Variants in LMO7 observed in about 807,000 individuals in gnomAD.
LMO7 encodes the protein LIM domain 7.
A neutral mutation model predicts 206.5 loss-of-function variants in LMO7; 120 were observed. The observed-to-expected ratio is 0.58, with a 90% CI of 0.50 to 0.68. The LOEUF (loss-of-function observed/expected upper bound fraction) is 0.68, where lower values mean the gene tolerates loss of function less well. Ranked by LOEUF, LMO7 falls within the 30% of genes least tolerant of loss-of-function variation. The pLI, the probability that LMO7 is intolerant of heterozygous loss-of-function variation, is 0.00. For missense variants in LMO7, 1,959 were observed against 1,957.9 expected, an observed-to-expected ratio of 1.00 and a Z score of -0.01; for synonymous variants, 706 against 681.5, an observed-to-expected ratio of 1.04 and a Z score of -0.56.
At chr13:75,737,864 A>AAAAAAAAAAAAAAAAAAAAAAAAT (rs61679054) in intron 3 of LMO7, among the ~76,000 whole-genome samples, 1 of 145,138 alleles carries the variant, frequency 6.9e-6, no homozygotes, top group Non-Finnish European at 1.5e-5. Context: ...AAAAAAAAAA[A>AAAAAAAAAAAAAAAAAAAAAAAAT]CACAGTACAA....
chr13:75,636,392 T>G lies in LMO7; in HGVS notation c.-266T>G. 7.7e-7 allele frequency: 1 copy of G among 1,305,552 alleles called. No homozygotes were observed. Among genetic ancestry groups the G allele is most frequent in the Non-Finnish European group, 9.7e-7 (1 of 1,026,194 alleles). The allele number at this position is 1,305,552 out of a possible 1,614,324, so 80.9% of individuals were successfully genotyped here. ...GGCACCCGCTTCGCTTCCCGCGTCC[T>G]GCCTGACTGCCCGGGTCCCCGCGGG... is the stretch of plus-strand genomic sequence containing the variant. On this transcript the variant is annotated 5_prime_UTR_variant, in exon 1 of 31. Coordinates refer to ENST00000377534, the MANE Select transcript of LMO7 (RefSeq NM_001306080.2).
At chr13:75,773,988 C>T (rs1016928269) in intron 4 of LMO7, among the ~76,000 whole-genome samples, 1 of 152,026 alleles carries the variant, frequency 6.6e-6, no homozygotes. Context: ...ATGATCACTG[C>T]TGACTCCAAA....
chr13:75,669,495 G>A (rs562868795), intron 1 of LMO7, among the ~76,000 whole-genome samples: 3 of 152,268 alleles, frequency 2.0e-5, no homozygotes, highest in Non-Finnish European at 2.9e-5. Context: ...TCGGAGATGC[G>A]AAGGTATGAG....
intron 4 of LMO7, among the ~76,000 whole-genome samples, chr13:75,766,670 TCATCTAATTGGAGATGA>T (rs1471318741): frequency 2.0e-5 from 3 of 152,124 alleles, no homozygotes; most frequent in Non-Finnish European, 2.9e-5. Flanking sequence ...ATCAGGAAAC[TCATCTAATTGGAGATGA>T]CATAGGTTTC....
chr13:75,856,394 G>T, intron 29 of LMO7, 112 bp from the exon 30 acceptor site: 4 of 637,174 alleles, frequency 6.3e-6, no homozygotes, highest in East Asian at 2.6e-5. Flanking sequence ...TTGCTGAAAT[G>T]TATCTAAGAG....
intron 16 of LMO7, 119 bp from the exon 17 acceptor site, chr13:75,834,107 T>A: frequency 1.4e-6 from 1 of 709,798 alleles, no homozygotes. Flanking sequence ...GACCTCCACC[T>A]GAAAAAGAGA....
intron 4 of LMO7, among the ~76,000 whole-genome samples, chr13:75,773,523 A>C (rs543557023): frequency 1.3e-5 from 2 of 152,308 alleles, no homozygotes; most frequent in East Asian, 3.9e-4. Flanking sequence ...GTGATAGGGA[A>C]GCCAACTGCT....
rs554036020 is a variant in LMO7 at position 75,732,204 on chromosome 13, A to G, written c.210+5106A>G. Reference sequence around the variant, plus strand: ...TAGATTGGGGAAGTTCTCCTGGATAATATCCTGCAGAGTGTTTTCCAACTT... The same window carrying G: ...TAGATTGGGGAAGTTCTCCTGGATAGTATCCTGCAGAGTGTTTTCCAACTT... On this transcript the variant is annotated intron_variant, in intron 3 of 30. Coordinates refer to ENST00000377534, the MANE Select transcript of LMO7 (RefSeq NM_001306080.2). Among the ~76,000 whole-genome samples, 402 of 152,148 alleles carry G rather than the reference A, an allele frequency of 2.6e-3. 2 individuals are homozygous for G. Among genetic ancestry groups the G allele is most frequent in the African/African-American group, 8.0e-3 (333 of 41,510 alleles).
intron 11 of LMO7, among the ~76,000 whole-genome samples, chr13:75,812,158 TA>T (rs10708886): frequency 0.78 from 118,417 of 152,086 alleles, 46,464 homozygotes; most frequent in African/African-American, 0.87. Context: ...GAGATACTGC[TA>T]AATGTCCTAC....
At chr13:75,647,620 G>A (rs2037148422) in intron 1 of LMO7, among the ~76,000 whole-genome samples, 1 of 152,066 alleles carries the variant, frequency 6.6e-6, no homozygotes, top group Non-Finnish European at 1.5e-5. Context: ...ATTGAGTTGT[G>A]TCCTGCAGTT....
chr13:75,733,159 T>A (rs1379488162), intron 3 of LMO7, among the ~76,000 whole-genome samples: 1 of 152,226 alleles, frequency 6.6e-6, no homozygotes, highest in Non-Finnish European at 1.5e-5. Flanking sequence ...TTCAAAGCTG[T>A]CAGACAGGGA....
chr13:75,749,488 G>A (rs2047110316), intron 3 of LMO7, among the ~76,000 whole-genome samples: 1 of 152,182 alleles, frequency 6.6e-6, no homozygotes, highest in Admixed American at 6.5e-5. Context: ...TCATACTGCA[G>A]TTTGCCACAG....
At chr13:75,772,554 T>C (rs899266074) in intron 4 of LMO7, among the ~76,000 whole-genome samples, 4 of 152,106 alleles carry the variant, frequency 2.6e-5, no homozygotes, top group Non-Finnish European at 5.9e-5. Flanking sequence ...AGTGACCTGC[T>C]CAAGGTCATA....
chr13:75,694,151 C>G (rs891841542), intron 1 of LMO7, among the ~76,000 whole-genome samples: 2 of 152,068 alleles, frequency 1.3e-5, no homozygotes, highest in African/African-American at 4.8e-5. Context: ...AGAAGATGAG[C>G]AGATGATGAT....
At chr13:75,779,297 G>T (rs1301887425) in intron 4 of LMO7, among the ~76,000 whole-genome samples, 1 of 152,128 alleles carries the variant, frequency 6.6e-6, no homozygotes, top group Non-Finnish European at 1.5e-5. Flanking sequence ...GGAAGTATTA[G>T]CATAATTGGG....
intron 11 of LMO7, among the ~76,000 whole-genome samples, chr13:75,810,247 G>C (rs1187765601): frequency 6.6e-6 from 1 of 152,230 alleles, no homozygotes; most frequent in Non-Finnish European, 1.5e-5. Flanking sequence ...AAGAGGAAGA[G>C]AGTTAAAGGA....
chr13:75,655,485 C>G (rs1254988801), intron 1 of LMO7, among the ~76,000 whole-genome samples: 1 of 151,850 alleles, frequency 6.6e-6, no homozygotes. Context: ...CTTTTGTTTG[C>G]ATTTAGATTT....
chr13:75,663,439 T>TTTC (rs1566286907), intron 1 of LMO7, among the ~76,000 whole-genome samples: 31 of 143,396 alleles, frequency 2.2e-4, no homozygotes, highest in Non-Finnish European at 4.0e-4. Flanking sequence ...TTTCTTTTTT[T>TTTC]TTTTTTTTTG....
At chr13:75,845,412 G>A (rs1015298069) in intron 26 of LMO7, 33 bp downstream of exon 26, 3 of 1,357,200 alleles carry the variant, frequency 2.2e-6, no homozygotes, top group East Asian at 2.3e-5. Context: ...AACTCCTTCA[G>A]AGTTGCTTAT....
Sources: gnomAD v4.1 joint callset for allele counts (sites outside exome capture counted in the v4.1 genomes callset) on GRCh38, gnomAD v4.1.1 for gene constraint, MANE v1.5 for transcripts, NCBI Gene and HGNC (gene_info 2026-07-23, HGNC 2026-07-21) for gene names.